CSMD1: variants seen among roughly 807,000 people sequenced by gnomAD.
CSMD1 encodes the protein CUB and Sushi multiple domains 1.
A neutral mutation model predicts 417.5 loss-of-function variants in CSMD1; 213 were observed. The observed-to-expected ratio is 0.51, with a 90% confidence interval of 0.46 to 0.57. CSMD1 has a LOEUF of 0.57. Among genes scored for constraint, CSMD1 ranks in the 20% least tolerant of loss-of-function variants. The pLI is 0.00. For missense variants in CSMD1, 6,923 were observed against 4,529.7 expected, an observed-to-expected ratio of 1.53 and a Z score of -15.17; for synonymous variants, 2,862 against 1,736.8, an observed-to-expected ratio of 1.65 and a Z score of -16.11.
At chr8:4,282,981 T>C (rs1350133402) in intron 3 of CSMD1, among the ~76,000 whole-genome samples, 2 of 152,206 alleles carry the variant, frequency 1.3e-5, no homozygotes, top group Non-Finnish European at 2.9e-5. Context: ...TTACTATTTC[T>C]ACTGCACATT....
intron 21 of CSMD1, among the ~76,000 whole-genome samples, chr8:3,350,324 GTGTATGTGTGTGTTATAATACC>G (rs1808335424): frequency 6.7e-6 from 1 of 149,984 alleles, no homozygotes; most frequent in Non-Finnish European, 1.5e-5. Flanking sequence ...ATAATAACTT[GTGTATGTGTGTGTTATAATACC>G]TATAATAACC....
intron 23 of CSMD1, among the ~76,000 whole-genome samples, chr8:3,338,129 T>C (rs1807393576): frequency 6.6e-6 from 1 of 152,198 alleles, no homozygotes; most frequent in Non-Finnish European, 1.5e-5. Context: ...TTGAGGAGTC[T>C]GTCATCCCTC....
intron 1 of CSMD1, among the ~76,000 whole-genome samples, chr8:4,654,453 A>T: frequency 6.6e-6 from 1 of 152,078 alleles, no homozygotes; most frequent in East Asian, 1.9e-4. Context: ...GAAAGTAGGA[A>T]CTTGGAGCAT....
At chr8:3,020,017 C>A (rs1809227423) in intron 51 of CSMD1, among the ~76,000 whole-genome samples, 1 of 152,356 alleles carries the variant, frequency 6.6e-6, no homozygotes, top group Non-Finnish European at 1.5e-5. Context: ...TCGAGTTCTT[C>A]CTTATTCACA....
intron 5 of CSMD1, among the ~76,000 whole-genome samples, chr8:3,894,925 C>T (rs749338271): frequency 6.6e-6 from 1 of 152,152 alleles, no homozygotes; most frequent in Non-Finnish European, 1.5e-5. Context: ...CAACACTGTA[C>T]CATACAGATG....
chr8:3,778,152 G>A (rs566540285), intron 5 of CSMD1, among the ~76,000 whole-genome samples: 2 of 152,352 alleles, frequency 1.3e-5, no homozygotes, highest in South Asian at 4.1e-4. Context: ...GTGGAAAAAT[G>A]TGTCAGGATA....
intron 10 of CSMD1, among the ~76,000 whole-genome samples, chr8:3,527,541 A>C (rs1797803690): frequency 6.6e-6 from 1 of 152,142 alleles, no homozygotes; most frequent in Admixed American, 6.5e-5. Context: ...GATTGTGGCC[A>C]TGGTCACAAG....
At chr8:4,835,330 G>C (rs964357313) in intron 1 of CSMD1, among the ~76,000 whole-genome samples, 3 of 152,156 alleles carry the variant, frequency 2.0e-5, no homozygotes, top group Non-Finnish European at 4.4e-5. Context: ...TTGACCATGA[G>C]GGTCAATGCA....
At chr8:3,561,503 A>C (rs918587140) in intron 10 of CSMD1, among the ~76,000 whole-genome samples, 2 of 152,186 alleles carry the variant, frequency 1.3e-5, no homozygotes, top group African/African-American at 4.8e-5. Context: ...TCATTATCCT[A>C]AGTAAAATAA....
chr8:4,283,595 C>T (rs1796903683), intron 3 of CSMD1, among the ~76,000 whole-genome samples: 1 of 152,036 alleles, frequency 6.6e-6, no homozygotes, highest in Admixed American at 6.5e-5. Flanking sequence ...TTTAGGAAAC[C>T]CAGGTCCTTG....
chr8:4,390,068 G>A (rs554207930), intron 3 of CSMD1, among the ~76,000 whole-genome samples: 2 of 152,268 alleles, frequency 1.3e-5, no homozygotes, highest in African/African-American at 4.8e-5. Context: ...AGCAATTTGA[G>A]AATTACCACT....
chr8:4,204,547 T>C (rs1381004437), intron 3 of CSMD1, among the ~76,000 whole-genome samples: 1 of 152,198 alleles, frequency 6.6e-6, no homozygotes, highest in Non-Finnish European at 1.5e-5. Flanking sequence ...GTAGAAGAAA[T>C]TATGACACCT....
At chr8:3,567,544 A>T (rs1799767084) in intron 10 of CSMD1, among the ~76,000 whole-genome samples, 1 of 150,610 alleles carries the variant, frequency 6.6e-6, no homozygotes, top group Non-Finnish European at 1.5e-5. Context: ...GGGAAAGAGA[A>T]AGGGAAGGAA....
chr8:4,398,248 T>C (rs1255044419), intron 3 of CSMD1, among the ~76,000 whole-genome samples: 1 of 152,154 alleles, frequency 6.6e-6, no homozygotes. Context: ...AAGGAGGCTG[T>C]TGTAATATTG....
At chr8:3,110,633 T>C (rs1816447640) in intron 42 of CSMD1, among the ~76,000 whole-genome samples, 1 of 152,250 alleles carries the variant, frequency 6.6e-6, no homozygotes. Flanking sequence ...TTAACACTTG[T>C]GACCTGCTGA....
At position 4,206,550 on chromosome 8, in the gene CSMD1, G is replaced by A. The variant is rs569504563; in HGVS notation, c.416-174451C>T. On this transcript the variant is annotated intron_variant, in intron 3 of 69. Coordinates refer to ENST00000635120, the MANE Select transcript of CSMD1 (RefSeq NM_033225.6). ...TTATGGCTGCCTAGTATTCCATGGT[G>A]TATATGTGCCACATTTTCTTAATCC... 8.5e-5 allele frequency among the ~76,000 whole-genome samples: 13 copies of A among 152,272 alleles called. No homozygotes were observed. The South Asian group carries it at 2.5e-3, about 29-fold the overall frequency.
chr8:3,528,681 C>A (rs1320291318), intron 10 of CSMD1, among the ~76,000 whole-genome samples: 4 of 152,106 alleles, frequency 2.6e-5, no homozygotes, highest in Non-Finnish European at 5.9e-5. Context: ...GGTGGCTGCA[C>A]CTCACACAAA....
intron 3 of CSMD1, among the ~76,000 whole-genome samples, chr8:4,260,515 C>T (rs928767690): frequency 6.6e-6 from 1 of 152,132 alleles, no homozygotes; most frequent in Non-Finnish European, 1.5e-5. Flanking sequence ...TTAAAGAACA[C>T]TAGTCAAATG....
intron 23 of CSMD1, among the ~76,000 whole-genome samples, chr8:3,323,166 G>C (rs563805084): frequency 6.6e-5 from 10 of 152,068 alleles, no homozygotes; most frequent in Non-Finnish European, 8.8e-5. Context: ...ATGTCCAATG[G>C]GCAACTTCTA....
Sources: allele counts gnomAD v4.1 joint callset (sites outside exome capture counted in the v4.1 genomes callset), GRCh38; gene constraint gnomAD v4.1.1; transcripts MANE v1.5; gene names NCBI Gene and HGNC (gene_info 2026-07-23, HGNC 2026-07-21).